NR2C2: variants seen among roughly 807,000 people sequenced by gnomAD.
NR2C2 encodes the protein Nuclear hormone receptor TR4.
NR2C2 carries 6 observed loss-of-function variants against 62.9 expected under a neutral mutation model. The observed-to-expected ratio is 0.10, with a 90% CI of 0.05 to 0.19. The LOEUF (loss-of-function observed/expected upper bound fraction) is 0.19. Among genes scored for constraint, NR2C2 ranks in the 10% least tolerant of loss-of-function variants. NR2C2 has a pLI of 1.00. For missense variants in NR2C2, 479 were observed against 762.7 expected (o/e 0.63, Z 4.38); for synonymous variants, 272 against 273.8 (o/e 0.99, Z 0.07).
chr3:15,031,368 GT>G (rs2041975478), intron 9 of NR2C2, among the ~76,000 whole-genome samples: 1 of 120,754 alleles, frequency 8.3e-6, no homozygotes, highest in African/African-American at 4.6e-5. Context: ...TTTTCCCCCA[GT>G]ATTTTTTTTT....
chr3:14,991,490 C>A (rs1450446968), intron 1 of NR2C2, among the ~76,000 whole-genome samples: 1 of 152,206 alleles, frequency 6.6e-6, no homozygotes, highest in Non-Finnish European at 1.5e-5. Flanking sequence ...CCCTGCCTAA[C>A]ACCCTTTACC....
chr3:15,036,904 T>C (rs1475276831), intron 11 of NR2C2, among the ~76,000 whole-genome samples: 1 of 152,094 alleles, frequency 6.6e-6, no homozygotes, highest in East Asian at 1.9e-4. Flanking sequence ...GGTGGATAAC[T>C]TGAGGTCAGG....
rs767034518 is a variant in NR2C2 at position 15,016,215 on chromosome 3, G to A, written c.337G>A (p.Val113Met). 4 of 1,614,012 alleles carry A rather than the reference G, an allele frequency of 2.5e-6. No individual in the cohort carries two copies. The highest frequency in any genetic ancestry group is 3.4e-6 in the Non-Finnish European group (4 of 1,180,014). Residue 113 changes from valine to methionine, a missense_variant, in exon 4 of 14, where the codon GTG becomes ATG. By Grantham distance (21) the Val-to-Met change is conservative (BLOSUM62 1). This residue lies in a region of NR2C2 where 115 missense variants were observed against 152.3 expected (regional missense o/e 0.76). Transcript: ENST00000425241. ...GAAGACGGACGTCCAGCGGCCCCAGGTGGTAGAGTACTGTGTGGTCTGTGG... is the reference window on the plus strand; with the variant it reads ...GAAGACGGACGTCCAGCGGCCCCAGATGGTAGAGTACTGTGTGGTCTGTGG... Reference protein sequence around the residue: ...LGKTDVQRPQVVEYCVVCGDK... With the variant: ...LGKTDVQRPQMVEYCVVCGDK...
chr3:14,966,316 A>C (rs544829627), intron 1 of NR2C2, among the ~76,000 whole-genome samples: 4 of 152,248 alleles, frequency 2.6e-5, no homozygotes, highest in Non-Finnish European at 5.9e-5. Context: ...GATAGGCTAC[A>C]CTAGTTGAAT....
chr3:15,042,806 C>T (rs758299601), intron 13 of NR2C2, 28 bp from the exon 14 acceptor site: 6 of 1,605,540 alleles, frequency 3.7e-6, no homozygotes, highest in Admixed American at 3.4e-5. Context: ...CAAACAGTCT[C>T]CTTTTCTAAT....
chr3:14,980,710 ATGAAG>A (rs1349159728), intron 1 of NR2C2, among the ~76,000 whole-genome samples: 1 of 152,246 alleles, frequency 6.6e-6, no homozygotes, highest in African/African-American at 2.4e-5. Context: ...CATCTTAAAA[ATGAAG>A]TGAAGGTAGC....
At chr3:15,009,177 G>A (rs1013694991) in intron 2 of NR2C2, among the ~76,000 whole-genome samples, 6 of 152,166 alleles carry the variant, frequency 3.9e-5, no homozygotes, top group Non-Finnish European at 7.3e-5. Context: ...AGCCAAGATC[G>A]TGCCATTGCA....
At chr3:14,980,029 C>A (rs1364835969) in intron 1 of NR2C2, among the ~76,000 whole-genome samples, 1 of 151,958 alleles carries the variant, frequency 6.6e-6, no homozygotes, top group African/African-American at 2.4e-5. Context: ...AAACCATTGC[C>A]ACCCGTAGTC....
At position 14,963,632 on chromosome 3, in the gene NR2C2, G is replaced by A. The variant is rs376989064; in HGVS notation, c.-40+15726G>A. Reference sequence around the variant, plus strand: ...TACAGGCACCCGCCACACCACGCCCGGCTAATTTTTTGTATTTTTAGTAGA... The same window carrying A: ...TACAGGCACCCGCCACACCACGCCCAGCTAATTTTTTGTATTTTTAGTAGA... On this transcript the variant is annotated intron_variant, in intron 1 of 13. Coordinates refer to ENST00000425241, the MANE Select transcript of NR2C2 (RefSeq NM_001291694.2). Among the ~76,000 whole-genome samples the A allele has an allele frequency of 9.0e-4, 137 of 151,994 alleles. 1 individual carries two copies. Among genetic ancestry groups the A allele is most frequent in the African/African-American group, 2.9e-3 (122 of 41,438 alleles).
At chr3:14,994,590 G>A (rs762424674) in intron 1 of NR2C2, among the ~76,000 whole-genome samples, 4 of 151,082 alleles carry the variant, frequency 2.6e-5, no homozygotes, top group South Asian at 4.2e-4. Flanking sequence ...CTACAGATGC[G>A]CACCACCACG....
intron 1 of NR2C2, among the ~76,000 whole-genome samples, chr3:14,994,274 C>T (rs2040754068): frequency 6.6e-6 from 1 of 151,914 alleles, no homozygotes; most frequent in Admixed American, 6.6e-5. Flanking sequence ...GAAAACATTT[C>T]TATATACTCA....
rs749223895 is a variant in NR2C2 at position 15,039,083 on chromosome 3, T to C, written c.1511-39T>C. ...AAGTCTACAAGTGAGACTTTTCAAATACAGAGGGAACTGGGGGGGGGTACT... is the reference window on the plus strand; with the variant it reads ...AAGTCTACAAGTGAGACTTTTCAAACACAGAGGGAACTGGGGGGGGGTACT... On this transcript the variant is annotated intron_variant, in intron 12 of 13. Coordinates refer to ENST00000425241, the MANE Select transcript of NR2C2 (RefSeq NM_001291694.2). 3 of 1,455,938 alleles carry C rather than the reference T, an allele frequency of 2.1e-6. No homozygotes were observed. The Admixed American group carries it at 5.1e-5, about 25-fold the overall frequency. The allele number at this position is 1,455,938 out of a possible 1,614,324, so 90.2% of individuals were successfully genotyped here.
Position 15,032,368 on chromosome 3 carries a change from C to G in NR2C2, c.1111-11C>G. 2 of 1,614,208 alleles carry G rather than the reference C, an allele frequency of 1.2e-6. No individual in the cohort carries two copies. Among genetic ancestry groups the G allele is most frequent in the Non-Finnish European group, 1.7e-6 (2 of 1,180,020 alleles). ...CTTCACCTCCTGTGCCATGTGCCTC[C>G]TCTTTTCCAGCTAACAATGCCCAGT... is the stretch of plus-strand genomic sequence containing the variant. On this transcript the variant is annotated splice_polypyrimidine_tract_variant and intron_variant, in intron 9 of 13. Transcript: ENST00000425241.
At chr3:14,971,213 G>T (rs1242240091) in intron 1 of NR2C2, among the ~76,000 whole-genome samples, 1 of 151,754 alleles carries the variant, frequency 6.6e-6, no homozygotes, top group Non-Finnish European at 1.5e-5. Flanking sequence ...TGCCTCCTGG[G>T]TTCAAGCAGT....
chr3:14,978,381 A>C (rs1291400821), intron 1 of NR2C2, among the ~76,000 whole-genome samples: 3 of 152,198 alleles, frequency 2.0e-5, no homozygotes, highest in Non-Finnish European at 4.4e-5. Flanking sequence ...TTTATAATAA[A>C]CTTGAATATC....
chr3:15,004,888 T>G (rs1180139869), intron 2 of NR2C2, among the ~76,000 whole-genome samples: 3 of 152,180 alleles, frequency 2.0e-5, no homozygotes, highest in African/African-American at 7.2e-5. Context: ...TTAACCCCTT[T>G]CTTGCTTGCT....
intron 5 of NR2C2, among the ~76,000 whole-genome samples, chr3:15,022,700 A>G (rs933496549): frequency 4.6e-5 from 7 of 151,736 alleles, no homozygotes; most frequent in Non-Finnish European, 8.8e-5. Flanking sequence ...GCATTTTTTT[A>G]TCCTTGAAAG....
In NR2C2 at chr3:15,047,445, T is replaced by C. The variant is rs2125122168; in HGVS notation, c.*4437T>C. ...AACTAAGTGGGAATTTTTAACCTTT[T>C]CATGCACCTATTCATGGCCCTACCT... On this transcript the variant is annotated 3_prime_UTR_variant, in exon 14 of 14. Coordinates refer to ENST00000425241, the MANE Select transcript of NR2C2 (RefSeq NM_001291694.2). 6.6e-6 allele frequency: 1 copy of C among 152,376 alleles called. No individual in the cohort carries two copies. Among genetic ancestry groups the C allele is most frequent in the African/African-American group, 2.4e-5 (1 of 41,594 alleles). The allele number at this position is 152,376 out of a possible 1,614,324, so 9.4% of individuals were successfully genotyped here.
intron 1 of NR2C2, among the ~76,000 whole-genome samples, chr3:14,997,802 A>T (rs150634232): frequency 5.9e-5 from 9 of 152,352 alleles, no homozygotes; most frequent in African/African-American, 2.2e-4. Context: ...TATAATTCAC[A>T]TACCATAAAA....
Sources: allele counts gnomAD v4.1 joint callset (sites outside exome capture counted in the v4.1 genomes callset), GRCh38; gene constraint gnomAD v4.1.1; regional missense constraint gnomAD v4.1.1; transcripts MANE v1.5; gene names NCBI Gene and HGNC (gene_info 2026-07-23, HGNC 2026-07-21).